USP20: variants seen among roughly 807,000 people sequenced by gnomAD.
USP20 encodes ubiquitin specific peptidase 20, also known as ubiquitin carboxyl-terminal hydrolase 20.
USP20 carries 80 observed loss-of-function variants against 124.2 expected under a neutral mutation model. That is an observed-to-expected ratio of 0.64 (90% CI 0.54 to 0.78). The LOEUF is 0.78. Among genes scored for constraint, USP20 ranks in the 30% least tolerant of loss-of-function variants. The pLI is 0.00. For synonymous variants in USP20, 481 were observed against 512.3 expected (o/e 0.94, Z 0.83); for missense variants, 1,043 against 1,244.4 (o/e 0.84, Z 2.44).
At chr9:129,878,699 C>T (rs2034513289) in intron 23 of USP20, among the ~76,000 whole-genome samples, 1 of 152,332 alleles carries the variant, frequency 6.6e-6, no homozygotes, top group East Asian at 1.9e-4. Context: ...GCAAGCTGCT[C>T]TGCCCTCCTG....
chr9:129,868,978 G>T lies in USP20; in HGVS notation c.1252G>T (p.Ala418Ser). 6.2e-7 allele frequency: 1 copy of T among 1,611,596 alleles called. No individual in the cohort carries two copies. The highest frequency in any genetic ancestry group is 8.5e-7 in the Non-Finnish European group (1 of 1,178,704). The part of the protein sequence containing the change: ...SPPRASPVRM[A>S]PSYVLKKAQV... The stretch of plus-strand genomic sequence containing the variant: ...CCCTCGTGCAAGCCCCGTGAGGATG[G>T]CACCGTCGTACGTGCTCAAGAAAGG... Residue 418 changes from alanine to serine, a missense_variant, in exon 12 of 26, where the codon GCA (alanine) becomes TCA (serine). By Grantham distance (99) the Ala-to-Ser change is moderately conservative. Transcript: ENST00000372429.
chr9:129,865,270 C>T, intron 9 of USP20, 33 bp from the exon 10 acceptor site: 3 of 1,611,136 alleles, frequency 1.9e-6, no homozygotes, highest in Admixed American at 1.7e-5. Context: ...TCAAGGCAGG[C>T]TACCTGGACT....
chr9:129,865,335 A>G lies in USP20; in HGVS notation c.644A>G (p.His215Arg). 3.7e-6 allele frequency: 6 copies of G among 1,613,798 alleles called. No individual in the cohort carries two copies. Among genetic ancestry groups the G allele is most frequent in the African/African-American group, 1.3e-5 (1 of 75,048 alleles). Residue 215 changes from histidine (H) to arginine (R), a missense_variant, in exon 10 of 26, where the codon CAT (histidine) becomes CGT (arginine). By Grantham distance (29) the His-to-Arg change is conservative (BLOSUM62 0). Transcript: ENST00000372429. ...TACGTGGTCCCCACCAGTCTGTCTC[A>G]TGGGATCAAGTTGGTCAACCCAATG... ...PSYVVPTSLS[H>R]GIKLVNPMFR...
At chr9:129,853,506 G>A (rs2033045481) in intron 3 of USP20, among the ~76,000 whole-genome samples, 1 of 152,218 alleles carries the variant, frequency 6.6e-6, no homozygotes, top group Admixed American at 6.5e-5. Context: ...TCCATGGGCA[G>A]AGCTGCATGC....
chr9:129,850,938 GCCACCGCAC>G (rs533207650), intron 2 of USP20, among the ~76,000 whole-genome samples: 139 of 152,238 alleles, frequency 9.1e-4, no homozygotes, highest in African/African-American at 2.9e-3. Context: ...ACAGGCATGA[GCCACCGCAC>G]CCAGTCTTTT....
At chr9:129,858,347 T>C (rs915011203) in intron 5 of USP20, 120 bp from the exon 6 acceptor site, 15 of 1,473,656 alleles carry the variant, frequency 1.0e-5, no homozygotes, top group Admixed American at 6.0e-5. Context: ...AATTTGAGCT[T>C]CCGGCCTCTG....
Position 129,878,368 on chromosome 9 carries a change from C to T in USP20, c.2440C>T (p.Pro814Ser). ...LNKAFQAEES[P>S]GVIYCISMQW... ...CAAGGCCTTCCAGGCCGAGGAGTCGCCGGGCGTCATCTACTGCATCAGCAT... is the reference window on the plus strand; with the variant it reads ...CAAGGCCTTCCAGGCCGAGGAGTCGTCGGGCGTCATCTACTGCATCAGCAT... Residue 814 changes from proline to serine, a missense_variant, in exon 23 of 26, where the codon CCG (proline) becomes TCG (serine). By Grantham distance (74) the Pro-to-Ser change is moderately conservative. Coordinates refer to ENST00000372429, the MANE Select transcript of USP20 (RefSeq NM_001110303.4). 1 of 1,605,198 alleles carries T rather than the reference C, an allele frequency of 6.2e-7. No individual in the cohort carries two copies. The highest frequency in any genetic ancestry group is 8.5e-7 in the Non-Finnish European group (1 of 1,175,912).
At chr9:129,844,623 C>CAAAA (rs1191781066) in intron 1 of USP20, among the ~76,000 whole-genome samples, 2 of 72,420 alleles carry the variant, frequency 2.8e-5, no homozygotes, top group East Asian at 5.0e-4. Context: ...GACTCTGTCT[C>CAAAA]AAAAAAAAAA....
intron 2 of USP20, among the ~76,000 whole-genome samples, chr9:129,852,311 C>T (rs757304178): frequency 2.0e-5 from 3 of 152,170 alleles, no homozygotes; most frequent in Admixed American, 6.6e-5. Context: ...CTACACCAGG[C>T]ATTTGACAGA....
intron 1 of USP20, among the ~76,000 whole-genome samples, chr9:129,849,044 C>T (rs989830456): frequency 5.9e-5 from 9 of 152,108 alleles, no homozygotes; most frequent in African/African-American, 2.2e-4. Context: ...ACTTGAGGGT[C>T]GGGGGTTCTC....
intron 1 of USP20, among the ~76,000 whole-genome samples, chr9:129,841,889 G>C (rs1421052810): frequency 1.3e-5 from 2 of 152,120 alleles, no homozygotes; most frequent in Non-Finnish European, 2.9e-5. Context: ...TGGGCTGGTT[G>C]GCCTGCAGAG....
intron 6 of USP20, 58 bp from the exon 7 acceptor site, chr9:129,860,879 G>C (rs1035177662): frequency 1.3e-5 from 21 of 1,565,584 alleles, no homozygotes; most frequent in Middle Eastern, 1.7e-4. Flanking sequence ...GAGACACCTG[G>C]GCCTCTGACC....
At chr9:129,869,097 G>A (rs1355153829) in intron 12 of USP20, 95 bp downstream of exon 12, 118 of 1,467,834 alleles carry the variant, frequency 8.0e-5, no homozygotes, top group Non-Finnish European at 1.0e-4. Context: ...GCGGAGGGCC[G>A]GGCTATGGGC....
At chr9:129,868,499 ACCTACCGGGTG>A (rs2033943072) in intron 11 of USP20, 50 bp downstream of exon 11, 1 of 1,562,106 alleles carries the variant, frequency 6.4e-7, no homozygotes, top group Non-Finnish European at 8.7e-7. Flanking sequence ...ATGGCCCAGT[ACCTACCGGGTG>A]CTGAGCGCCG....
chr9:129,880,169 G>A lies in USP20; in HGVS notation c.2641G>A (p.Gly881Arg). 2 of 1,613,976 alleles carry A rather than the reference G, an allele frequency of 1.2e-6. No homozygotes were observed. The highest frequency in any genetic ancestry group is 1.7e-6 in the Non-Finnish European group (2 of 1,180,036). Residue 881 changes from glycine (G) to arginine (R), a missense_variant, in exon 25 of 26, where the codon GGA becomes AGA. Coordinates refer to ENST00000372429, the MANE Select transcript of USP20 (RefSeq NM_001110303.4). ...ETWTYLNSLY[G>R]GGPEIAIRQS... The stretch of plus-strand genomic sequence containing the variant: ...CTGGACCTACCTGAACAGCCTGTAT[G>A]GAGGTGGCCCCGAGATTGCCATCCG...
intron 12 of USP20, 29 bp from the exon 13 acceptor site, chr9:129,869,281 G>T (rs372149819): frequency 6.3e-6 from 10 of 1,593,914 alleles, no homozygotes; most frequent in Non-Finnish European, 8.6e-6. Context: ...GCAGGTGGAG[G>T]CTGGGCTAGT....
intron 10 of USP20, among the ~76,000 whole-genome samples, chr9:129,867,326 C>G (rs1014019186): frequency 2.0e-5 from 3 of 152,246 alleles, no homozygotes; most frequent in African/African-American, 7.2e-5. Context: ...TGCTGGTGGC[C>G]CAGTCACAGA....
At position 129,869,844 on chromosome 9, in the gene USP20, G is replaced by A. The variant is rs1167922034; in HGVS notation, c.1565G>A (p.Arg522Gln). The A allele has an allele frequency of 1.9e-6, 3 of 1,612,336 alleles. No homozygotes were observed. The highest frequency in any genetic ancestry group is 1.1e-5 in the South Asian group (1 of 90,906). ...GCCTTCATTGTGGAGTACATCCGAC[G>A]GTGCGCCCACCTTGCCACTACTGGG... ...WLAFIVEYIR[R>Q]FVVSCTPSWF... is the part of the protein sequence containing the mutation. The change falls in exon 14 of 26, where the codon CGG becomes CAG. Residue 522 changes from arginine (R) to glutamine (Q), a missense_variant and splice_region_variant. Arg to Gln is a conservative substitution (Grantham distance 43, BLOSUM62 1). Coordinates refer to ENST00000372429, the MANE Select transcript of USP20 (RefSeq NM_001110303.4).
At chr9:129,841,036 GC>G (rs1302111900) in intron 1 of USP20, among the ~76,000 whole-genome samples, 2 of 152,160 alleles carry the variant, frequency 1.3e-5, no homozygotes. Context: ...CTCCCAAAGT[GC>G]TGGGATTACA....
Sources: gnomAD v4.1 joint callset for allele counts (sites outside exome capture counted in the v4.1 genomes callset) on GRCh38, gnomAD v4.1.1 for gene constraint, MANE v1.5 for transcripts, NCBI Gene and HGNC (gene_info 2026-07-23, HGNC 2026-07-21) for gene names.